HTRA1: variants seen among roughly 807,000 people sequenced by gnomAD.
HTRA1 encodes the protein serine protease HTRA1.
Under a neutral mutation model 49.7 loss-of-function variants are expected in HTRA1, and 26 were observed. The observed-to-expected ratio is 0.52, with a 90% CI of 0.38 to 0.73. The LOEUF is 0.73. Ranked by LOEUF, HTRA1 falls within the 30% of genes least tolerant of loss-of-function variation. The pLI, the probability that HTRA1 is intolerant of heterozygous loss-of-function variation, is 0.00. For missense variants in HTRA1, 561 were observed against 667.2 expected (o/e 0.84, Z 1.75); for synonymous variants, 291 against 286.9 (o/e 1.01, Z -0.14).
chr10:122,467,885 T>C (rs1039069296), intron 1 of HTRA1, among the ~76,000 whole-genome samples: 1 of 152,114 alleles, frequency 6.6e-6, no homozygotes, highest in African/African-American at 2.4e-5. Flanking sequence ...GTTACAGTGA[T>C]TCAGCACTAC....
chr10:122,468,251 C>T (rs1363047774), intron 1 of HTRA1, among the ~76,000 whole-genome samples: 2 of 152,160 alleles, frequency 1.3e-5, no homozygotes, highest in Non-Finnish European at 2.9e-5. Context: ...CTCTAAGTCT[C>T]AGTTTCCCCA....
intron 3 of HTRA1, among the ~76,000 whole-genome samples, chr10:122,496,224 G>GGTTTTTTTTT (rs2097498574): frequency 3.1e-5 from 1 of 32,064 alleles, no homozygotes; most frequent in Non-Finnish European, 6.2e-5. Flanking sequence ...AGAGATTGTG[G>GGTTTTTTTTT]GTTCTTTTTT....
chr10:122,511,745 ATAAATAAAAAAAAT>A (rs763051661), intron 7 of HTRA1, among the ~76,000 whole-genome samples: 1 of 76,838 alleles, frequency 1.3e-5, no homozygotes, highest in South Asian at 4.4e-4. Flanking sequence ...AAAAAAAAAA[ATAAATAAAAAAAAT>A]AAATAAATAA....
At chr10:122,473,461 C>G (rs1340552862) in intron 1 of HTRA1, among the ~76,000 whole-genome samples, 1 of 152,092 alleles carries the variant, frequency 6.6e-6, no homozygotes, top group Non-Finnish European at 1.5e-5. Context: ...AATATTTATT[C>G]AAATGTTTTG....
chr10:122,509,342 G>A (rs576719381), intron 6 of HTRA1, among the ~76,000 whole-genome samples: 2 of 152,322 alleles, frequency 1.3e-5, no homozygotes, highest in East Asian at 1.9e-4. Flanking sequence ...TCAAGGGAGC[G>A]ACTGGAGGGG....
chr10:122,476,539 G>A (rs1247871611), intron 1 of HTRA1, among the ~76,000 whole-genome samples: 1 of 152,202 alleles, frequency 6.6e-6, no homozygotes, highest in East Asian at 1.9e-4. Context: ...CAGTGGCGGG[G>A]ACCCTGCATT....
rs1346113675 is a variant in HTRA1 at position 122,506,284 on chromosome 10, C to T, written c.778-407C>T. On this transcript the variant is annotated intron_variant, in intron 3 of 8. Coordinates refer to ENST00000368984, the MANE Select transcript of HTRA1 (RefSeq NM_002775.5). This position sits in a 1 kb window ranked among gnomAD's most constrained non-coding sequence, Gnocchi z 5.2. ...TGTAGCTTGGGATCCTTCCCTGGGGCTTGGTTCTCTAGGGCCATCCCCAGC... is the reference window on the plus strand; with the variant it reads ...TGTAGCTTGGGATCCTTCCCTGGGGTTTGGTTCTCTAGGGCCATCCCCAGC... Among the ~76,000 whole-genome samples the T allele has an allele frequency of 1.3e-5, 2 of 152,150 alleles. No individual in the cohort carries two copies. The highest frequency in any genetic ancestry group is 2.9e-5 in the Non-Finnish European group (2 of 68,022).
rs2097497729 is a variant in HTRA1 at position 122,494,646 on chromosome 10, C to T, written c.777+5020C>T. 1.3e-5 allele frequency among the ~76,000 whole-genome samples: 2 copies of T among 152,158 alleles called. No homozygotes were observed. The highest frequency in any genetic ancestry group is 6.5e-5 in the Admixed American group (1 of 15,280). ...TCCTCCCTCCCCTGTAGGCCTGCGC[C>T]ACCCCCCCAACCCCACGGCCACCTT... On this transcript the variant is annotated intron_variant, in intron 3 of 8. Transcript: ENST00000368984. This position sits in a 1 kb window ranked among gnomAD's most constrained non-coding sequence, Gnocchi z 4.0.
intron 1 of HTRA1, 122 bp downstream of exon 1, chr10:122,462,246 C>T (rs895658872): frequency 4.9e-5 from 42 of 861,882 alleles, no homozygotes; most frequent in Non-Finnish European, 7.2e-5. Flanking sequence ...GGGCAACTCT[C>T]GGGGACAGGC....
chr10:122,469,732 T>C (rs1158221696), intron 1 of HTRA1, among the ~76,000 whole-genome samples: 1 of 152,164 alleles, frequency 6.6e-6, no homozygotes, highest in Non-Finnish European at 1.5e-5. Context: ...AGAGGTTAGC[T>C]GTAACTTGTC....
chr10:122,470,246 G>A (rs1401164036), intron 1 of HTRA1, among the ~76,000 whole-genome samples: 1 of 152,110 alleles, frequency 6.6e-6, no homozygotes, highest in African/African-American at 2.4e-5. Context: ...AGAAAACCTG[G>A]GTCCTAGCCC....
intron 3 of HTRA1, among the ~76,000 whole-genome samples, 186 bp downstream of exon 3, chr10:122,489,812 G>A (rs2097494943): frequency 6.6e-6 from 1 of 151,980 alleles, no homozygotes; most frequent in Non-Finnish European, 1.5e-5. Context: ...AGGGGCTCAG[G>A]AAAACTTCTG....
In HTRA1 at chr10:122,472,663, G is replaced by A. The variant is rs551267687; in HGVS notation, c.472+10539G>A. Among the ~76,000 whole-genome samples, 466 of 152,222 alleles carry A rather than the reference G, an allele frequency of 3.1e-3. 1 individual carries two copies. The highest frequency in any genetic ancestry group is 5.0e-3 in the Non-Finnish European group (339 of 68,012). ...GCCTGCTTCAGCCTCCCAAAGTGTG[G>A]GGATTACAGGCATGAGCTACCATGC... On this transcript the variant is annotated intron_variant, in intron 1 of 8. Coordinates refer to ENST00000368984, the MANE Select transcript of HTRA1 (RefSeq NM_002775.5).
In HTRA1 at chr10:122,506,719, G is replaced by A. The variant is rs750423045; in HGVS notation, c.806G>A (p.Arg269His). ...QGKLPVLLLG[R>H]SSELRPGEFV... ...AAGCTGCCTGTCCTGCTGCTTGGCC[G>A]CTCCTCAGAGCTGCGGCCGGGAGAG... The change falls in exon 4 of 9, where the codon CGC (arginine) becomes CAC (histidine). Residue 269 changes from arginine (R) to histidine (H), a missense_variant. This residue lies in a region of HTRA1 where 271 missense variants were observed against 410.0 expected (regional missense o/e 0.66). Transcript: ENST00000368984. The surrounding 1 kb of genome is among the most constrained non-coding windows in gnomAD (Gnocchi z 5.2). 1.1e-5 allele frequency: 17 copies of A among 1,613,144 alleles called. No homozygotes were observed. Among genetic ancestry groups the A allele is most frequent in the East Asian group, 2.2e-5 (1 of 44,878 alleles).
Position 122,461,709 on chromosome 10 carries a change from C to T in HTRA1, c.57C>T (p.Pro19=), listed in dbSNP as rs2097481330. 1 of 1,298,006 alleles carries T rather than the reference C, an allele frequency of 7.7e-7. No homozygotes were observed. Among genetic ancestry groups the T allele is most frequent in the South Asian group, 1.4e-5 (1 of 72,162 alleles). The allele number at this position is 1,298,006 out of a possible 1,614,324, so 80.4% of individuals were successfully genotyped here. A position where few individuals can be genotyped will look rare whatever the true frequency, so the allele number is the denominator to read the frequency against. The part of the protein sequence containing the change: ...LPLLLLLLAA[P]ASAQLSRAGR... ...TGCTGCTGCTGCTGCTGGCGGCGCC[C>T]GCCTCGGCGCAGCTGTCCCGGGCCG... Residue 19 remains proline, a synonymous_variant, in exon 1 of 9, where the codon CCC becomes CCT. Transcript: ENST00000368984.
intron 1 of HTRA1, among the ~76,000 whole-genome samples, chr10:122,483,308 G>C (rs2097491802): frequency 1.3e-5 from 2 of 151,926 alleles, no homozygotes; most frequent in South Asian, 4.4e-4. Context: ...ATTGTCTTGG[G>C]ATTGAATCTT....
chr10:122,473,854 C>T (rs2097487253), intron 1 of HTRA1, among the ~76,000 whole-genome samples: 1 of 152,226 alleles, frequency 6.6e-6, no homozygotes, highest in Non-Finnish European at 1.5e-5. Context: ...GCTTCTGTCT[C>T]TTAGCATAAT....
At chr10:122,488,835 C>A in intron 1 of HTRA1, 67 bp from the exon 2 acceptor site, 1 of 1,267,362 alleles carries the variant, frequency 7.9e-7, no homozygotes, top group Non-Finnish European at 1.2e-6. Context: ...TTCCTCTAAC[C>A]CATGTCTTTC....
At chr10:122,472,788 T>C (rs536388779) in intron 1 of HTRA1, among the ~76,000 whole-genome samples, 88 of 152,278 alleles carry the variant, frequency 5.8e-4, no homozygotes, top group African/African-American at 1.9e-3. Flanking sequence ...TGTTAAACAA[T>C]CCTGAGATGG....
Sources: gnomAD v4.1 joint callset for allele counts (sites outside exome capture counted in the v4.1 genomes callset) on GRCh38, gnomAD v4.1.1 for gene constraint, gnomAD v4.1.1 regional missense constraint, Gnocchi (gnomAD v3.1) non-coding constraint, MANE v1.5 for transcripts, NCBI Gene and HGNC (gene_info 2026-07-23, HGNC 2026-07-21) for gene names.